The following CCDC141 variants were observed in gnomAD, a reference collection of about 807,000 sequenced individuals.
CCDC141 encodes the protein coiled-coil domain-containing protein 141.
Under a neutral mutation model 181.0 loss-of-function variants are expected in CCDC141, and 168 were observed. The observed-to-expected ratio is 0.93, with a 90% confidence interval of 0.82 to 1.05. The LOEUF is 1.05. Ranked by LOEUF, CCDC141 falls within the 50% of genes least tolerant of loss-of-function variation. CCDC141 has a pLI of 0.00. For synonymous variants in CCDC141, 666 were observed against 642.3 expected (o/e 1.04, Z -0.56); for missense variants, 1,902 against 1,788.5 (o/e 1.06, Z -1.14).
intron 11 of CCDC141, among the ~76,000 whole-genome samples, chr2:178,879,531 G>A (rs1350785123): frequency 6.6e-6 from 1 of 152,064 alleles, no homozygotes; most frequent in African/African-American, 2.4e-5. Context: ...TATCCTTCAT[G>A]AGCAGTTAAA....
At chr2:178,983,133 GCCT>G (rs1447626787) in intron 2 of CCDC141, among the ~76,000 whole-genome samples, 1 of 152,178 alleles carries the variant, frequency 6.6e-6, no homozygotes, top group African/African-American at 2.4e-5. Flanking sequence ...CTGGCAGACC[GCCT>G]CCTCAAGTGG....
chr2:178,882,129 T>G (rs928577721), intron 11 of CCDC141, among the ~76,000 whole-genome samples: 2 of 151,906 alleles, frequency 1.3e-5, no homozygotes, highest in African/African-American at 2.4e-5. Context: ...CCTAGCACTT[T>G]GAAAGGCCAA....
At chr2:178,848,957 T>C (rs991927210) in intron 21 of CCDC141, among the ~76,000 whole-genome samples, 2 of 152,044 alleles carry the variant, frequency 1.3e-5, no homozygotes, top group East Asian at 1.9e-4. Context: ...TGGGTAATAA[T>C]ACAAAAGAAA....
chr2:179,048,836 A>G (rs933618884), intron 1 of CCDC141, among the ~76,000 whole-genome samples: 11 of 152,212 alleles, frequency 7.2e-5, no homozygotes, highest in African/African-American at 2.7e-4. Flanking sequence ...TTTGCTCAGT[A>G]TCAAGTGCTC....
intron 21 of CCDC141, among the ~76,000 whole-genome samples, chr2:178,848,273 A>C (rs544586250): frequency 2.0e-5 from 3 of 152,212 alleles, no homozygotes; most frequent in Non-Finnish European, 4.4e-5. Flanking sequence ...ACCTACAGTG[A>C]ATGCAGAAGC....
intron 2 of CCDC141, among the ~76,000 whole-genome samples, chr2:179,027,015 T>C (rs887521538): frequency 6.6e-6 from 1 of 152,214 alleles, no homozygotes; most frequent in African/African-American, 2.4e-5. Flanking sequence ...GCTTTTGATT[T>C]TACAGGCCAT....
chr2:179,022,227 A>C (rs1171677438), intron 2 of CCDC141, among the ~76,000 whole-genome samples: 1 of 152,120 alleles, frequency 6.6e-6, no homozygotes, highest in East Asian at 1.9e-4. Flanking sequence ...GACCGAAAAA[A>C]CAGTCCTGGA....
At chr2:178,984,873 T>C (rs1374112504) in intron 2 of CCDC141, among the ~76,000 whole-genome samples, 1 of 151,628 alleles carries the variant, frequency 6.6e-6, no homozygotes, top group African/African-American at 2.4e-5. Flanking sequence ...AATGGGAGAC[T>C]TTAACACCCC....
intron 7 of CCDC141, among the ~76,000 whole-genome samples, chr2:178,912,405 G>A (rs775713494): frequency 5.9e-5 from 9 of 152,194 alleles, no homozygotes; most frequent in Non-Finnish European, 1.2e-4. Flanking sequence ...TATGAACTGA[G>A]TTGTGAGCTC....
At chr2:178,999,575 T>A (rs977604401) in intron 2 of CCDC141, among the ~76,000 whole-genome samples, 1 of 152,110 alleles carries the variant, frequency 6.6e-6, no homozygotes, top group East Asian at 1.9e-4. Flanking sequence ...AGATAAAAAA[T>A]AAAATTCCAA....
intron 6 of CCDC141, among the ~76,000 whole-genome samples, chr2:178,935,243 T>C (rs1407367919): frequency 6.6e-6 from 1 of 152,116 alleles, no homozygotes; most frequent in Non-Finnish European, 1.5e-5. Context: ...CAGTCCCCAA[T>C]AGTTATCTTT....
intron 2 of CCDC141, among the ~76,000 whole-genome samples, chr2:179,032,582 A>C (rs1476202582): frequency 1.3e-5 from 2 of 152,132 alleles, no homozygotes; most frequent in African/African-American, 4.8e-5. Context: ...CAGAGCAAGG[A>C]CATATGAAAA....
intron 2 of CCDC141, among the ~76,000 whole-genome samples, chr2:179,006,200 G>A (rs2042119150): frequency 6.6e-6 from 1 of 152,120 alleles, no homozygotes; most frequent in Admixed American, 6.5e-5. Context: ...TTGTTCATTT[G>A]CATTTCATTG....
chr2:179,012,974 T>C (rs2042313815), intron 2 of CCDC141, among the ~76,000 whole-genome samples: 1 of 152,102 alleles, frequency 6.6e-6, no homozygotes, highest in Non-Finnish European at 1.5e-5. Context: ...CTTAATGTAA[T>C]AAAAGCCATC....
At chr2:178,947,381 A>G (rs1689776883) in intron 5 of CCDC141, among the ~76,000 whole-genome samples, 1 of 152,248 alleles carries the variant, frequency 6.6e-6, no homozygotes, top group Admixed American at 6.5e-5. Context: ...GTACAAAGGA[A>G]GGAAAACAAA....
chr2:178,869,615 G>T (rs947724393), intron 14 of CCDC141, among the ~76,000 whole-genome samples: 1 of 152,188 alleles, frequency 6.6e-6, no homozygotes, highest in South Asian at 2.1e-4. Flanking sequence ...TTAAGTAAAT[G>T]TATTTTAGAT....
intron 7 of CCDC141, among the ~76,000 whole-genome samples, chr2:178,917,478 A>G (rs1053796672): frequency 1.4e-4 from 21 of 152,278 alleles, no homozygotes; most frequent in Non-Finnish European, 2.2e-4. Context: ...CACTATTTTG[A>G]TATACACCAG....
At chr2:178,829,551 T>C (rs983672815), downstream of CCDC141, among the ~76,000 whole-genome samples, 9 of 152,214 alleles carry the variant, frequency 5.9e-5, no homozygotes, top group Non-Finnish European at 1.0e-4. Flanking sequence ...GTTTTTGAGG[T>C]TGAATTCATG....
intron 5 of CCDC141, among the ~76,000 whole-genome samples, chr2:178,947,922 G>A (rs1336921336): frequency 1.3e-5 from 2 of 152,160 alleles, no homozygotes; most frequent in Non-Finnish European, 2.9e-5. Flanking sequence ...GTATGAATAT[G>A]AGTATGGTGG....
Sources: allele counts gnomAD v4.1 joint callset (sites outside exome capture counted in the v4.1 genomes callset), GRCh38; gene constraint gnomAD v4.1.1; transcripts MANE v1.5; gene names NCBI Gene and HGNC (gene_info 2026-07-23, HGNC 2026-07-21).